The following CHD9 variants were observed in gnomAD, a reference collection of about 807,000 sequenced individuals.
CHD9 encodes ATP-dependent chromatin remodeler CHD9.
CHD9 carries 77 observed loss-of-function variants against 316.1 expected under a neutral mutation model. That is an observed-to-expected ratio of 0.24 (90% confidence interval 0.20 to 0.29). The LOEUF (loss-of-function observed/expected upper bound fraction) is 0.29. Ranked by LOEUF, CHD9 falls within the 10% of genes least tolerant of loss-of-function variation. The pLI, the probability that CHD9 is intolerant of heterozygous loss-of-function variation, is 1.00. For synonymous variants in CHD9, 1,129 were observed against 1,158.3 expected (o/e 0.97, Z 0.51); for missense variants, 2,763 against 3,438.1 (o/e 0.80, Z 4.91).
chr16:53,312,535 A>G (rs894183774), intron 34 of CHD9, among the ~76,000 whole-genome samples: 1 of 152,176 alleles, frequency 6.6e-6, no homozygotes, highest in African/African-American at 2.4e-5. Flanking sequence ...GGAAAATGGT[A>G]TGATTTTGTG....
intron 26 of CHD9, among the ~76,000 whole-genome samples, chr16:53,287,288 A>G (rs2053961389): frequency 6.6e-6 from 1 of 152,278 alleles, no homozygotes; most frequent in South Asian, 2.1e-4. Flanking sequence ...GCATATTTTC[A>G]AACTGAAATT....
rs556901157 is a variant in CHD9, at chr16:53,312,186, A to G, written c.7223-2191A>G. ...TTTTTCATAGATAATTATATTAAGT[A>G]CTTCTATTTTTTATGTAGTACAGGG... On this transcript the variant is annotated intron_variant, in intron 34 of 38. Transcript: ENST00000447540. Among the ~76,000 whole-genome samples, 12 of 152,320 alleles carry G rather than the reference A, an allele frequency of 7.9e-5. No homozygotes were observed. The East Asian group carries it at 2.3e-3, about 29-fold the overall frequency.
In CHD9 at chr16:53,236,270, C is replaced by G. The variant is rs908827824; in HGVS notation, c.2633+964C>G. Among the ~76,000 whole-genome samples the G allele has an allele frequency of 3.3e-5, 5 of 152,068 alleles. No individual in the cohort carries two copies. The East Asian group carries it at 9.6e-4, about 29-fold the overall frequency. On this transcript the variant is annotated intron_variant, in intron 11 of 38. Coordinates refer to ENST00000447540, the MANE Select transcript of CHD9 (RefSeq NM_001308319.2). The stretch of plus-strand genomic sequence containing the variant: ...GAAACCCTTTATCACAGTTCTGCCC[C>G]CTTCACTCTCTGTATATGACTGCTT...
chr16:53,184,537 G>T (rs2043820650), intron 2 of CHD9, among the ~76,000 whole-genome samples: 2 of 151,978 alleles, frequency 1.3e-5, no homozygotes, highest in Admixed American at 1.3e-4. Context: ...TAGACATGGG[G>T]TTTCACCACA....
chr16:53,193,790 C>A (rs1268826020), intron 2 of CHD9, among the ~76,000 whole-genome samples: 2 of 152,106 alleles, frequency 1.3e-5, no homozygotes, highest in Non-Finnish European at 2.9e-5. Context: ...TTCACAGCAA[C>A]CCTGTTAGAT....
chr16:53,287,889 A>G (rs1450426907), intron 26 of CHD9, 68 bp from the exon 27 acceptor site: 3 of 1,266,368 alleles, frequency 2.4e-6, no homozygotes, highest in Admixed American at 3.4e-5. Context: ...CTCCAACAAG[A>G]CTTTGTCCTA....
At chr16:53,180,497 G>A (rs1223965531) in intron 2 of CHD9, among the ~76,000 whole-genome samples, 1 of 152,028 alleles carries the variant, frequency 6.6e-6, no homozygotes, top group African/African-American at 2.4e-5. Context: ...GAAACTTTTA[G>A]TGATGTATTT....
rs566632560 is a variant in CHD9, at chr16:53,147,127, A to C, written c.-164-8799A>C. Among the ~76,000 whole-genome samples, 6 of 152,258 alleles carry C rather than the reference A, an allele frequency of 3.9e-5. No individual in the cohort carries two copies. In the South Asian group the frequency reaches 1.2e-3, roughly 32 times the overall value. On this transcript the variant is annotated intron_variant, in intron 1 of 38. Transcript: ENST00000447540. The stretch of plus-strand genomic sequence containing the variant: ...CTTTAAGATAATATGTAAACTATAG[A>C]ATGTTAGCTAGTACTAAGTCAGAAA...
chr16:53,219,140 C>A (rs555252684), intron 3 of CHD9, among the ~76,000 whole-genome samples: 2 of 152,100 alleles, frequency 1.3e-5, no homozygotes, highest in Admixed American at 6.6e-5. Flanking sequence ...AGTACTCTTA[C>A]GTTTGCACTT....
chr16:53,142,457 C>G (rs2152709650), intron 1 of CHD9, among the ~76,000 whole-genome samples: 1 of 152,166 alleles, frequency 6.6e-6, no homozygotes, highest in South Asian at 2.1e-4. Flanking sequence ...TATAGATGGT[C>G]CAATGAGGAA....
chr16:53,238,502 T>A lies in CHD9; in HGVS notation c.2793T>A (p.Thr931=). 6.2e-7 allele frequency: 1 copy of A among 1,613,330 alleles called. No individual in the cohort carries two copies. Among genetic ancestry groups the A allele is most frequent in the Non-Finnish European group, 8.5e-7 (1 of 1,179,426 alleles). Residue 931 remains threonine (T), a synonymous_variant, in exon 12 of 39, where the codon ACT becomes ACA. Coordinates refer to ENST00000447540, the MANE Select transcript of CHD9 (RefSeq NM_001308319.2). The stretch of plus-strand genomic sequence containing the variant: ...GGGAGAGAGAATTTCGTACGTGGAC[T>A]GATATTAACGTTGTGGTTTATCATG... ...ANWEREFRTW[T]DINVVVYHGS...
At chr16:53,284,900 A>C (rs1402924949) in intron 24 of CHD9, among the ~76,000 whole-genome samples, 4 of 152,020 alleles carry the variant, frequency 2.6e-5, no homozygotes, top group African/African-American at 4.8e-5. Flanking sequence ...CAAGTAGCTG[A>C]GACTACAGGT....
chr16:53,179,621 G>T (rs1041411532), intron 2 of CHD9, among the ~76,000 whole-genome samples: 1 of 152,094 alleles, frequency 6.6e-6, no homozygotes, highest in African/African-American at 2.4e-5. Flanking sequence ...AAGCAGCCAG[G>T]CACAGTGGCT....
Position 53,314,458 on chromosome 16 carries a change from G to A in CHD9, c.7304G>A (p.Arg2435Lys), listed in dbSNP as rs1025398174. ...QPIVKKRRGR[R>K]KNVEGVDIFF... ...ATAGTCAAAAAAAGGCGAGGAAGGA[G>A]GAAGAATGTAGAAGGTGTTGACATC... is the stretch of plus-strand genomic sequence containing the variant. Residue 2435 changes from arginine (R) to lysine (K), a missense_variant, in exon 35 of 39, where the codon AGG becomes AAG. This residue lies in a region of CHD9 where 663 missense variants were observed against 751.2 expected (regional missense o/e 0.88). Coordinates refer to ENST00000447540, the MANE Select transcript of CHD9 (RefSeq NM_001308319.2). The A allele has an allele frequency of 8.8e-6, 14 of 1,585,388 alleles. No individual in the cohort carries two copies. The highest frequency in any genetic ancestry group is 1.2e-5 in the Non-Finnish European group (14 of 1,164,456).
rs2042825029 is a variant in CHD9, at chr16:53,172,398, A to G, written c.1452+14857A>G. Reference sequence around the variant, plus strand: ...TATTGTTAAAATAATATTTCATTATATGGATCTACTATAATTTGTTCGTTC... The same window carrying G: ...TATTGTTAAAATAATATTTCATTATGTGGATCTACTATAATTTGTTCGTTC... On this transcript the variant is annotated intron_variant, in intron 2 of 38. Coordinates refer to ENST00000447540, the MANE Select transcript of CHD9 (RefSeq NM_001308319.2). Among the ~76,000 whole-genome samples, 4 of 152,304 alleles carry G rather than the reference A, an allele frequency of 2.6e-5. No homozygotes were observed. The South Asian group carries it at 8.3e-4, about 32-fold the overall frequency.
intron 1 of CHD9, among the ~76,000 whole-genome samples, chr16:53,131,786 C>T (rs974641290): frequency 3.3e-5 from 5 of 152,272 alleles, no homozygotes; most frequent in Admixed American, 2.0e-4. Flanking sequence ...CGTCCCGGAG[C>T]ACGGGACGTC....
At chr16:53,130,843 C>G (rs1436236616) in intron 1 of CHD9, 2 of 152,054 alleles carry the variant, frequency 1.3e-5, no homozygotes, top group Admixed American at 1.3e-4. Flanking sequence ...GACCGCCCCT[C>G]CGCGCCCGGG....
chr16:53,260,875 G>A (rs2051018517), intron 19 of CHD9, among the ~76,000 whole-genome samples: 2 of 151,806 alleles, frequency 1.3e-5, no homozygotes, highest in African/African-American at 4.8e-5. Flanking sequence ...TTACATTTAG[G>A]GCCTACTTGG....
intron 11 of CHD9, among the ~76,000 whole-genome samples, chr16:53,238,025 T>C (rs569364982): frequency 6.6e-6 from 1 of 152,192 alleles, no homozygotes; most frequent in African/African-American, 2.4e-5. Context: ...CTTCTCATAC[T>C]GTCCTGAGAT....
Sources: gnomAD v4.1 joint callset for allele counts (sites outside exome capture counted in the v4.1 genomes callset) on GRCh38, gnomAD v4.1.1 for gene constraint, gnomAD v4.1.1 regional missense constraint, MANE v1.5 for transcripts, NCBI Gene and HGNC (gene_info 2026-07-23, HGNC 2026-07-21) for gene names.